The following CTTNBP2 variants were observed in gnomAD, a reference collection of about 807,000 sequenced individuals.
CTTNBP2 encodes cortactin binding protein 2.
CTTNBP2 carries 108 observed loss-of-function variants against 156.9 expected under a neutral mutation model. That is an observed-to-expected ratio of 0.69 (90% confidence interval 0.59 to 0.81). The LOEUF (loss-of-function observed/expected upper bound fraction) is 0.81. Among genes scored for constraint, CTTNBP2 ranks in the 30% least tolerant of loss-of-function variants. The pLI is 0.00. For synonymous variants in CTTNBP2, 767 were observed against 751.8 expected (o/e 1.02, Z -0.33); for missense variants, 1,924 against 2,035.4 (o/e 0.95, Z 1.05).
chr7:117,848,979 A>C (rs1802768461), intron 2 of CTTNBP2, among the ~76,000 whole-genome samples: 1 of 152,180 alleles, frequency 6.6e-6, no homozygotes, highest in Non-Finnish European at 1.5e-5. Flanking sequence ...CAATTCAAGA[A>C]AGCTCCTTTA....
At chr7:117,807,314 G>T (rs1800005799) in intron 3 of CTTNBP2, among the ~76,000 whole-genome samples, 1 of 152,096 alleles carries the variant, frequency 6.6e-6, no homozygotes, top group African/African-American at 2.4e-5. Context: ...ATTACTGAAT[G>T]AAAGTCTAAA....
intron 2 of CTTNBP2, among the ~76,000 whole-genome samples, chr7:117,827,048 A>G (rs1394276459): frequency 6.6e-6 from 1 of 151,992 alleles, no homozygotes; most frequent in African/African-American, 2.4e-5. Flanking sequence ...TAGCACAGAC[A>G]GGGTTTCACC....
intron 7 of CTTNBP2, among the ~76,000 whole-genome samples, chr7:117,778,179 C>A (rs986157682): frequency 6.6e-6 from 1 of 151,996 alleles, no homozygotes; most frequent in Non-Finnish European, 1.5e-5. Flanking sequence ...AGTTATAAGC[C>A]AGTTTTACTT....
chr7:117,793,974 T>C (rs1371631439), intron 3 of CTTNBP2, among the ~76,000 whole-genome samples: 1 of 152,208 alleles, frequency 6.6e-6, no homozygotes, highest in African/African-American at 2.4e-5. Flanking sequence ...CCCTTGTGTT[T>C]ATCAACCTTT....
intron 1 of CTTNBP2, among the ~76,000 whole-genome samples, chr7:117,866,567 C>G (rs1437690393): frequency 2.0e-5 from 3 of 152,146 alleles, no homozygotes; most frequent in Admixed American, 6.5e-5. Context: ...CAGGAGAAAG[C>G]AGGCAGACTG....
At chr7:117,787,837 A>G (rs1212709844) in intron 4 of CTTNBP2, among the ~76,000 whole-genome samples, 3 of 152,220 alleles carry the variant, frequency 2.0e-5, no homozygotes, top group Non-Finnish European at 4.4e-5. Flanking sequence ...TAATTTTTAT[A>G]GATAAAAGCT....
intron 2 of CTTNBP2, among the ~76,000 whole-genome samples, chr7:117,854,275 T>G (rs1803115940): frequency 6.6e-6 from 1 of 152,224 alleles, no homozygotes; most frequent in Admixed American, 6.5e-5. Context: ...AAAAAGGGTA[T>G]GTTTTGGTCA....
intron 8 of CTTNBP2, among the ~76,000 whole-genome samples, chr7:117,773,648 A>AACACACACACACACACAC (rs71528190): frequency 5.3e-4 from 50 of 95,124 alleles, no homozygotes; most frequent in East Asian, 1.3e-3. Context: ...GCTTAGAGTT[A>AACACACACACACACACAC]ACACACACAC....
chr7:117,832,736 CCT>C, intron 2 of CTTNBP2, among the ~76,000 whole-genome samples: 3 of 143,190 alleles, frequency 2.1e-5, no homozygotes, highest in African/African-American at 5.2e-5. Context: ...CATTCATCAA[CCT>C]TTTTTTTTTT....
chr7:117,787,061 T>C (rs1798740011), intron 4 of CTTNBP2, among the ~76,000 whole-genome samples: 1 of 152,204 alleles, frequency 6.6e-6, no homozygotes, highest in Non-Finnish European at 1.5e-5. Flanking sequence ...CACTAACATT[T>C]CCAATGTTGT....
rs765932504 is a variant in CTTNBP2, at chr7:117,848,879, T to C, written c.189+12330A>G. Reference sequence around the variant, plus strand: ...TTCCTATGTGAAACCATTAGAGGTGTACGTGAATAATTATATCAACTGTAA... The same window carrying C: ...TTCCTATGTGAAACCATTAGAGGTGCACGTGAATAATTATATCAACTGTAA... On this transcript the variant is annotated intron_variant, in intron 2 of 22. Transcript: ENST00000160373. Among the ~76,000 whole-genome samples the C allele has an allele frequency of 7.9e-5, 12 of 152,254 alleles. No individual in the cohort carries two copies. The East Asian group carries it at 1.5e-3, about 19-fold the overall frequency.
chr7:117,803,444 T>G (rs1484871549), intron 3 of CTTNBP2, among the ~76,000 whole-genome samples: 2 of 152,114 alleles, frequency 1.3e-5, no homozygotes, highest in Non-Finnish European at 2.9e-5. Flanking sequence ...GCTCACTACT[T>G]GGGTGACAGG....
rs761508785 is a variant in CTTNBP2 at position 117,791,774 on chromosome 7, G to A, written c.1422C>T (p.Val474=). 3 of 1,614,240 alleles carry A rather than the reference G, an allele frequency of 1.9e-6. No homozygotes were observed. The highest frequency in any genetic ancestry group is 2.5e-6 in the Non-Finnish European group (3 of 1,180,044). ...NTTQSPPSRD[V]SPTSRDNLVA... ...CTAGGTTGTCACGACTTGTAGGCGA[G>A]ACATCTCTTGACGGAGGACTTTGGG... The change falls in exon 4 of 23, where the codon GTC becomes GTT. Residue 474 remains valine, a synonymous_variant. Coordinates refer to ENST00000160373, the MANE Select transcript of CTTNBP2 (RefSeq NM_033427.3).
At chr7:117,811,864 A>T (rs1229627257) in intron 2 of CTTNBP2, among the ~76,000 whole-genome samples, 1 of 132,680 alleles carries the variant, frequency 7.5e-6, no homozygotes. Flanking sequence ...TAATGTAAAA[A>T]TTTTAATTAA....
chr7:117,823,386 A>T (rs1043628790), intron 2 of CTTNBP2, among the ~76,000 whole-genome samples: 5 of 152,232 alleles, frequency 3.3e-5, no homozygotes, highest in Non-Finnish European at 5.9e-5. Flanking sequence ...TGTTTAATAT[A>T]TTAAAATTTG....
chr7:117,786,577 C>T (rs1798714056), intron 4 of CTTNBP2, among the ~76,000 whole-genome samples: 1 of 152,172 alleles, frequency 6.6e-6, no homozygotes, highest in African/African-American at 2.4e-5. Flanking sequence ...CACTACAGTC[C>T]TCTGTGGAAC....
chr7:117,817,265 C>T (rs1328288492), intron 2 of CTTNBP2, among the ~76,000 whole-genome samples: 6 of 142,510 alleles, frequency 4.2e-5, no homozygotes, highest in South Asian at 4.8e-4. Context: ...ACCCGGAAGG[C>T]GGAGCTTGCA....
chr7:117,724,966 A>G, intron 18 of CTTNBP2, 86 bp downstream of exon 18: 1 of 1,293,124 alleles, frequency 7.7e-7, no homozygotes, highest in Non-Finnish European at 1.1e-6. Context: ...TCTAATTACA[A>G]AGAAAGAAAG....
At chr7:117,799,903 T>TTAAAA (rs1406854850) in intron 3 of CTTNBP2, among the ~76,000 whole-genome samples, 1 of 151,988 alleles carries the variant, frequency 6.6e-6, no homozygotes, top group African/African-American at 2.4e-5. Flanking sequence ...ATAATGCTAT[T>TTAAAA]TACAATAGCA....
Sources: gnomAD v4.1 joint callset for allele counts (sites outside exome capture counted in the v4.1 genomes callset) on GRCh38, gnomAD v4.1.1 for gene constraint, MANE v1.5 for transcripts, NCBI Gene and HGNC (gene_info 2026-07-23, HGNC 2026-07-21) for gene names.